Variants in SPICE1 observed in about 807,000 individuals in gnomAD.
SPICE1 encodes spindle and centriole associated protein 1, also known as spindle and centriole-associated protein 1.
In SPICE1, 75 loss-of-function variants were observed where a neutral mutation model predicts 102.7. The observed-to-expected ratio is 0.73, with a 90% CI of 0.61 to 0.88. The LOEUF (loss-of-function observed/expected upper bound fraction) is 0.88. Among genes scored for constraint, SPICE1 ranks in the 40% least tolerant of loss-of-function variants. The pLI is 0.00. For synonymous variants in SPICE1, 308 were observed against 350.3 expected (o/e 0.88, Z 1.35); for missense variants, 979 against 1,020.1 (o/e 0.96, Z 0.55).
chr3:113,464,256 G>T (rs903464569), intron 11 of SPICE1, among the ~76,000 whole-genome samples: 78 of 127,892 alleles, frequency 6.1e-4, no homozygotes, highest in African/African-American at 1.5e-3. Flanking sequence ...GTTTTTTGTT[G>T]TTTTTTTTTT....
chr3:113,463,795 G>A (rs1024948913), intron 11 of SPICE1, among the ~76,000 whole-genome samples: 3 of 152,208 alleles, frequency 2.0e-5, no homozygotes, highest in Admixed American at 6.5e-5. Flanking sequence ...ATGGCCTGGC[G>A]CGGTGGCTCA....
intron 13 of SPICE1, 133 bp from the exon 14 acceptor site, chr3:113,454,083 C>A: frequency 1.3e-6 from 1 of 795,540 alleles, no homozygotes; most frequent in Non-Finnish European, 1.9e-6. Flanking sequence ...AATGCTTAAA[C>A]TATTTTCAGC....
rs1460009930 is a variant in SPICE1, at chr3:113,489,863, A to AAC, written c.493-801_493-800insGT. 3.2e-3 allele frequency among the ~76,000 whole-genome samples: 484 copies of AAC among 151,506 alleles called. 7 individuals are homozygous for AAC. Among genetic ancestry groups the AAC allele is most frequent in the African/African-American group, 0.011 (456 of 41,286 alleles). ...ACCCTGTCTCAAAAAAAAAAAAAAA[A>AAC]AAAAAACGCTACTTGATACACTTGT... On this transcript the variant is annotated intron_variant, in intron 6 of 17. Coordinates refer to ENST00000295872, the MANE Select transcript of SPICE1 (RefSeq NM_144718.4).
At position 113,459,515 on chromosome 3, in the gene SPICE1, A is replaced by C. The variant is rs1487720037; in HGVS notation, c.1435+1102T>G. On this transcript the variant is annotated intron_variant, in intron 12 of 17. Transcript: ENST00000295872. Reference sequence around the variant, plus strand: ...CCCAGCCCTTCTTACCTATAGGATAATTAAAAGCTTTCTCAGTAGTGAAGC... The same window carrying C: ...CCCAGCCCTTCTTACCTATAGGATACTTAAAAGCTTTCTCAGTAGTGAAGC... 4.1e-6 allele frequency: 4 copies of C among 984,540 alleles called. No individual in the cohort carries two copies. In the African/African-American group the frequency reaches 7.0e-5, roughly 17 times the overall value. The allele number at this position is 984,540 out of a possible 1,614,324, so 61.0% of individuals were successfully genotyped here.
intron 11 of SPICE1, among the ~76,000 whole-genome samples, chr3:113,463,400 T>C (rs781097412): frequency 6.6e-6 from 1 of 152,248 alleles, no homozygotes; most frequent in African/African-American, 2.4e-5. Flanking sequence ...AGTAAATTAG[T>C]ACATTTTAAA....
intron 5 of SPICE1, 108 bp from the exon 6 acceptor site, chr3:113,493,420 A>AAG: frequency 1.2e-6 from 1 of 820,664 alleles, no homozygotes; most frequent in South Asian, 1.5e-5. Context: ...CTTAAACAGC[A>AAG]GCTCACATTA....
At chr3:113,482,812 G>A (rs1936544062) in intron 7 of SPICE1, among the ~76,000 whole-genome samples, 2 of 152,150 alleles carry the variant, frequency 1.3e-5, no homozygotes, top group African/African-American at 2.4e-5. Flanking sequence ...CTGCAGCCTT[G>A]TAGTATAGTT....
intron 7 of SPICE1, among the ~76,000 whole-genome samples, chr3:113,476,394 A>G (rs1284151151): frequency 6.6e-6 from 1 of 151,244 alleles, no homozygotes; most frequent in Non-Finnish European, 1.5e-5. Flanking sequence ...CATCCCCATC[A>G]AGCTACCAAT....
chr3:113,486,203 C>A lies in SPICE1; in HGVS notation c.611+2742G>T, dbSNP rs774907763. Among the ~76,000 whole-genome samples, 26 of 121,852 alleles carry A rather than the reference C, an allele frequency of 2.1e-4. No homozygotes were observed. In the South Asian group the frequency reaches 2.7e-3, roughly 12 times the overall value. 79.9% of individuals were successfully genotyped at this position (121,852 alleles called of 152,430 possible). The stretch of plus-strand genomic sequence containing the variant: ...ATCAAATATACTGTAGTTTATTTGA[C>A]CATTCTCATATATATATATATATAT... On this transcript the variant is annotated intron_variant, in intron 7 of 17. Transcript: ENST00000295872.
chr3:113,448,166 T>A, intron 15 of SPICE1, 26 bp from the exon 16 acceptor site: 1 of 1,534,114 alleles, frequency 6.5e-7, no homozygotes, highest in Non-Finnish European at 8.8e-7. Context: ...AAATATTAGT[T>A]CCATTACCTT....
At chr3:113,498,570 G>A (rs1337825597) in intron 4 of SPICE1, among the ~76,000 whole-genome samples, 6 of 152,190 alleles carry the variant, frequency 3.9e-5, no homozygotes, top group Admixed American at 6.5e-5. Flanking sequence ...TCAAGCCACT[G>A]TTCTTTTCTC....
At chr3:113,453,101 T>A (rs1935695408) in intron 14 of SPICE1, among the ~76,000 whole-genome samples, 1 of 152,228 alleles carries the variant, frequency 6.6e-6, no homozygotes, top group African/African-American at 2.4e-5. Context: ...AATACTCTTT[T>A]ATGAGCCATT....
intron 5 of SPICE1, 122 bp from the exon 6 acceptor site, chr3:113,493,434 T>C: frequency 1.4e-6 from 1 of 728,832 alleles, no homozygotes; most frequent in East Asian, 2.7e-5. Flanking sequence ...CACATTAATG[T>C]AGTGCTTACT....
At chr3:113,454,420 G>C (rs1301650622) in intron 13 of SPICE1, among the ~76,000 whole-genome samples, 1 of 152,076 alleles carries the variant, frequency 6.6e-6, no homozygotes, top group Non-Finnish European at 1.5e-5. Flanking sequence ...TCAAAATGGA[G>C]TCATTTGGCC....
chr3:113,480,207 C>G (rs962563747), intron 7 of SPICE1, among the ~76,000 whole-genome samples: 33 of 151,554 alleles, frequency 2.2e-4, no homozygotes, highest in Non-Finnish European at 4.3e-4. Context: ...AGCAAAGTTA[C>G]TATGGCACTT....
At chr3:113,480,375 T>C (rs574919881) in intron 7 of SPICE1, among the ~76,000 whole-genome samples, 14 of 152,298 alleles carry the variant, frequency 9.2e-5, no homozygotes, top group African/African-American at 2.9e-4. Context: ...AAGTACCGCA[T>C]TGTTACTTCA....
intron 13 of SPICE1, among the ~76,000 whole-genome samples, chr3:113,456,209 G>A (rs750285788): frequency 4.6e-5 from 7 of 151,874 alleles, no homozygotes; most frequent in Admixed American, 1.3e-4. Flanking sequence ...GGGCTTCTTC[G>A]TGTCCTTTAT....
chr3:113,458,661 G>T (rs1935844679), intron 12 of SPICE1, among the ~76,000 whole-genome samples: 1 of 151,692 alleles, frequency 6.6e-6, no homozygotes, highest in Admixed American at 6.6e-5. Context: ...GAGCGTCTCT[G>T]CCTGGCCGCC....
At chr3:113,468,001 T>C in intron 10 of SPICE1, 138 bp downstream of exon 10, 1 of 1,093,846 alleles carries the variant, frequency 9.1e-7, no homozygotes, top group African/African-American at 1.6e-5. Flanking sequence ...TTACTGCAGA[T>C]AATCTAAAAC....
Sources: allele counts gnomAD v4.1 joint callset (sites outside exome capture counted in the v4.1 genomes callset), GRCh38; gene constraint gnomAD v4.1.1; transcripts MANE v1.5; gene names NCBI Gene and HGNC (gene_info 2026-07-23, HGNC 2026-07-21).